CAPZB: variants seen among roughly 807,000 people sequenced by gnomAD.
CAPZB encodes the protein capping actin protein of muscle Z-line subunit beta, also known as F-actin-capping protein subunit beta.
Under a neutral mutation model 38.1 loss-of-function variants are expected in CAPZB, and 2 were observed. The ratio of observed to expected loss-of-function variants is 0.05; its 90% confidence interval spans 0.02 to 0.17. The LOEUF is 0.17. CAPZB is among the 10% of genes least tolerant of loss of function. The pLI, the probability that CAPZB is intolerant of heterozygous loss-of-function variation, is 1.00. For synonymous variants in CAPZB, 107 were observed against 127.4 expected, an observed-to-expected ratio of 0.84 and a Z score of 1.08; for missense variants, 161 against 334.2, an observed-to-expected ratio of 0.48 and a Z score of 4.04.
In CAPZB at chr1:19,415,447, A is replaced by G. The variant is rs149652850; in HGVS notation, c.93+4214T>C. On this transcript the variant is annotated intron_variant, in intron 2 of 8. Transcript: ENST00000264202. ...AAAACTGCATGTGAACTTCAATGCT[A>G]CAACAGTATACTCAGCACAGACCAA... 1.7e-3 allele frequency among the ~76,000 whole-genome samples: 258 copies of G among 152,376 alleles called. 1 individual carries two copies. Among genetic ancestry groups the G allele is most frequent in the African/African-American group, 6.1e-3 (253 of 41,586 alleles).
intron 2 of CAPZB, among the ~76,000 whole-genome samples, chr1:19,397,130 A>G (rs1316233411): frequency 6.6e-6 from 1 of 152,248 alleles, no homozygotes; most frequent in Non-Finnish European, 1.5e-5. Flanking sequence ...GAAAAGATAC[A>G]TAGTGAAACC....
At chr1:19,339,685 C>T in intron 8 of CAPZB, 68 bp from the exon 9 acceptor site, 1 of 1,203,868 alleles carries the variant, frequency 8.3e-7, no homozygotes, top group Non-Finnish European at 1.2e-6. Flanking sequence ...GGCCTGGGGG[C>T]CACCATGCCA....
intron 1 of CAPZB, among the ~76,000 whole-genome samples, chr1:19,471,453 G>A (rs770594867): frequency 6.6e-6 from 1 of 152,210 alleles, no homozygotes; most frequent in Non-Finnish European, 1.5e-5. Context: ...CCCCAAGGGT[G>A]CAGGGCTGAG....
At chr1:19,475,455 T>C (rs1465352241) in intron 1 of CAPZB, among the ~76,000 whole-genome samples, 1 of 152,208 alleles carries the variant, frequency 6.6e-6, no homozygotes, top group Non-Finnish European at 1.5e-5. Flanking sequence ...AAATGTCAGC[T>C]GCTGTTAGGA....
At position 19,422,998 on chromosome 1, in the gene CAPZB, G is replaced by A. The variant is rs535447897; in HGVS notation, c.4-3248C>T. On this transcript the variant is annotated intron_variant, in intron 1 of 8. Transcript: ENST00000264202. ...AAAGACACTGTTTTAACCCTTCTTC[G>A]GTGCCTGTTCACAAGCCCAGTTCCA... Among the ~76,000 whole-genome samples the A allele has an allele frequency of 9.1e-4, 138 of 152,030 alleles. 1 individual carries two copies. Among genetic ancestry groups the A allele is most frequent in the African/African-American group, 2.9e-3 (120 of 41,454 alleles).
At chr1:19,355,262 G>C (rs927138138) in intron 6 of CAPZB, among the ~76,000 whole-genome samples, 46 of 152,200 alleles carry the variant, frequency 3.0e-4, no homozygotes, top group African/African-American at 8.2e-4. Context: ...GGGAGACCGA[G>C]GTGGGCGGAT....
intron 2 of CAPZB, among the ~76,000 whole-genome samples, chr1:19,409,322 C>G (rs1570173326): frequency 6.6e-6 from 1 of 151,964 alleles, no homozygotes; most frequent in Non-Finnish European, 1.5e-5. Context: ...TAGAAAGTCA[C>G]GAAATGTGCA....
At chr1:19,475,892 A>G (rs2094604999) in intron 1 of CAPZB, among the ~76,000 whole-genome samples, 1 of 152,230 alleles carries the variant, frequency 6.6e-6, no homozygotes, top group Admixed American at 6.5e-5. Context: ...TGTCAGGGCC[A>G]GTGTGTAACA....
chr1:19,344,252 T>C (rs2093948680), intron 8 of CAPZB, 106 bp downstream of exon 8: 1 of 846,528 alleles, frequency 1.2e-6, no homozygotes, highest in Non-Finnish European at 2.0e-6. Flanking sequence ...CACTGCAGCC[T>C]ACCAATGAGG....
intron 1 of CAPZB, among the ~76,000 whole-genome samples, chr1:19,451,616 C>A (rs2094516279): frequency 2.0e-5 from 3 of 152,098 alleles, no homozygotes. Flanking sequence ...CCCCACCCTG[C>A]AGATGGGAGA....
intron 1 of CAPZB, chr1:19,449,229 C>A: frequency 8.9e-7 from 1 of 1,120,520 alleles, no homozygotes. Flanking sequence ...GGAACCAGGA[C>A]AACAGGAACA....
chr1:19,344,569 G>A, intron 7 of CAPZB, 135 bp from the exon 8 acceptor site: 1 of 709,178 alleles, frequency 1.4e-6, no homozygotes, highest in Non-Finnish European at 2.5e-6. Context: ...GGGCATCAGT[G>A]AGCGCGCTCC....
At chr1:19,435,266 A>C (rs2094454650) in intron 1 of CAPZB, among the ~76,000 whole-genome samples, 1 of 152,220 alleles carries the variant, frequency 6.6e-6, no homozygotes, top group Non-Finnish European at 1.5e-5. Context: ...GCAAGCTCAA[A>C]ACCTTTCTTT....
chr1:19,469,043 T>C (rs2094577758), intron 1 of CAPZB, among the ~76,000 whole-genome samples: 1 of 152,238 alleles, frequency 6.6e-6, no homozygotes, highest in African/African-American at 2.4e-5. Context: ...AAGTACCTTT[T>C]CATGCCCACC....
rs192936719 is a variant in CAPZB at position 19,414,111 on chromosome 1, G to A, written c.93+5550C>T. On this transcript the variant is annotated intron_variant, in intron 2 of 8. Transcript: ENST00000264202. ...GCAGGTTTTTGGAAACGTAAGCAGC[G>A]GGTGTCCACTCACTCGTTCACTAAG... Among the ~76,000 whole-genome samples, 58 of 152,200 alleles carry A rather than the reference G, an allele frequency of 3.8e-4. No homozygotes were observed. In the East Asian group the frequency reaches 0.01, roughly 26 times the overall value.
At chr1:19,354,353 C>G (rs2100301691) in intron 6 of CAPZB, among the ~76,000 whole-genome samples, 1 of 152,314 alleles carries the variant, frequency 6.6e-6, no homozygotes, top group South Asian at 2.1e-4. Flanking sequence ...CGTAGCCAAG[C>G]TCTGCAACCC....
rs770183245 is a variant in CAPZB at position 19,357,547 on chromosome 1, C to T, written c.346G>A (p.Val116Ile). The T allele has an allele frequency of 9.3e-6, 15 of 1,614,044 alleles. No individual in the cohort carries two copies. The highest frequency in any genetic ancestry group is 1.6e-4 in the Middle Eastern group (1 of 6,062). The change falls in exon 5 of 9, where the codon GTC becomes ATC. Residue 116 changes from valine (V) to isoleucine (I), a missense_variant. By Grantham distance (29) the Val-to-Ile change is conservative. Coordinates refer to ENST00000264202, the MANE Select transcript of CAPZB (RefSeq NM_004930.5). This position sits in a 1 kb window ranked among gnomAD's most constrained non-coding sequence, Gnocchi z 4.3. ...AGATCCCAGAGGTAGACAGATGAGACGCCACCTTCAAAATACCTGCAGGAA... is the reference window on the plus strand; with the variant it reads ...AGATCCCAGAGGTAGACAGATGAGATGCCACCTTCAAAATACCTGCAGGAA... Reference protein sequence around the residue: ...QYRDLYFEGGVSSVYLWDLDH... With the variant: ...QYRDLYFEGGISSVYLWDLDH...
intron 1 of CAPZB, among the ~76,000 whole-genome samples, chr1:19,436,506 C>T (rs544636840): frequency 2.0e-5 from 3 of 152,086 alleles, no homozygotes; most frequent in Non-Finnish European, 4.4e-5. Context: ...AAACTATATG[C>T]GGAGACTAAG....
intron 3 of CAPZB, among the ~76,000 whole-genome samples, chr1:19,382,888 G>A (rs564481670): frequency 3.5e-3 from 533 of 152,242 alleles, no homozygotes; most frequent in Non-Finnish European, 6.4e-3. Context: ...ACTGCATGCC[G>A]GGCGAGAATA....
Sources: allele counts gnomAD v4.1 joint callset (sites outside exome capture counted in the v4.1 genomes callset), GRCh38; gene constraint gnomAD v4.1.1; non-coding constraint Gnocchi (gnomAD v3.1); transcripts MANE v1.5; gene names NCBI Gene and HGNC (gene_info 2026-07-23, HGNC 2026-07-21).